RYR2: variants seen among roughly 807,000 people sequenced by gnomAD.
RYR2 encodes the protein ryanodine receptor 2, also known as cardiac muscle ryanodine receptor-calcium release channel.
Under a neutral mutation model 601.1 loss-of-function variants are expected in RYR2, and 227 were observed. The ratio of observed to expected loss-of-function variants is 0.38; its 90% confidence interval spans 0.34 to 0.42. RYR2 has a LOEUF of 0.42. RYR2 is among the 10% of genes least tolerant of loss of function. The probability of loss-of-function intolerance (pLI) is 1.00; values close to 1 mark genes in which losing one functional copy is unlikely to be tolerated. For missense variants in RYR2, 4,646 were observed against 6,156.5 expected, an observed-to-expected ratio of 0.75 and a Z score of 8.21; for synonymous variants, 2,223 against 2,175.1, an observed-to-expected ratio of 1.02 and a Z score of -0.61.
rs140029456 is a variant in RYR2, at chr1:237,636,511, C to T, written c.6792+1519C>T. 2.4e-3 allele frequency among the ~76,000 whole-genome samples: 373 copies of T among 152,312 alleles called. 2 individuals carry two copies. The highest frequency in any genetic ancestry group is 3.6e-3 in the Admixed American group (55 of 15,298). ...CTCATTAAAATGGCCAATACTAATG[C>T]AGTTGATAATACCAAATGCTGAGAA... On this transcript the variant is annotated intron_variant, in intron 44 of 104. Coordinates refer to ENST00000366574, the MANE Select transcript of RYR2 (RefSeq NM_001035.3).
At position 237,042,490 on chromosome 1, in the gene RYR2, G is replaced by C. The variant is rs1489951737; in HGVS notation, c.-32G>C. The C allele has an allele frequency of 5.6e-6, 7 of 1,245,414 alleles. No homozygotes were observed. The highest frequency in any genetic ancestry group is 7.1e-6 in the Non-Finnish European group (7 of 986,384). 77.1% of individuals were successfully genotyped at this position (1,245,414 alleles called of 1,614,324 possible). The stretch of plus-strand genomic sequence containing the variant: ...GCCGCCGCCGAGCTCCGCGGGGCTC[G>C]GGAGCCGGCCCCGGCGAGGAGGCGC... On this transcript the variant is annotated 5_prime_UTR_variant, in exon 1 of 105. Coordinates refer to ENST00000366574, the MANE Select transcript of RYR2 (RefSeq NM_001035.3).
At chr1:237,702,556 G>T (rs1177030548) in intron 66 of RYR2, among the ~76,000 whole-genome samples, 1 of 151,924 alleles carries the variant, frequency 6.6e-6, no homozygotes, top group East Asian at 1.9e-4. Context: ...AACCAGAGAA[G>T]AAAAACAGGG....
At chr1:237,254,499 G>T (rs1436896491) in intron 1 of RYR2, among the ~76,000 whole-genome samples, 1 of 152,074 alleles carries the variant, frequency 6.6e-6, no homozygotes, top group Non-Finnish European at 1.5e-5. Context: ...TGGAATAATC[G>T]TACACAGTGG....
intron 2 of RYR2, among the ~76,000 whole-genome samples, chr1:237,279,744 C>G (rs1690663480): frequency 6.6e-6 from 1 of 152,054 alleles, no homozygotes; most frequent in Admixed American, 6.6e-5. Flanking sequence ...CAGTGCTGCC[C>G]CTACAAAAGG....
chr1:237,160,689 G>A (rs1353777926), intron 1 of RYR2, among the ~76,000 whole-genome samples: 1 of 151,416 alleles, frequency 6.6e-6, no homozygotes, highest in Non-Finnish European at 1.5e-5. Context: ...TTCTTTTCTG[G>A]GAAGGTGAGA....
chr1:237,129,032 T>C (rs540819343), intron 1 of RYR2, among the ~76,000 whole-genome samples: 50 of 152,260 alleles, frequency 3.3e-4, no homozygotes, highest in African/African-American at 1.2e-3. Flanking sequence ...TATTTTGACT[T>C]GTTAAGTTTG....
intron 42 of RYR2, among the ~76,000 whole-genome samples, chr1:237,632,768 A>C (rs1226990974): frequency 1.3e-5 from 2 of 152,206 alleles, no homozygotes; most frequent in Admixed American, 6.5e-5. Flanking sequence ...TAATAAAAAA[A>C]AACTTTATAT....
chr1:237,521,921 C>T (rs965879470), intron 24 of RYR2, among the ~76,000 whole-genome samples: 2 of 151,980 alleles, frequency 1.3e-5, no homozygotes, highest in African/African-American at 2.4e-5. Context: ...CTTGCCTGTC[C>T]ACACATTCCA....
chr1:237,272,443 C>T (rs946736830), intron 2 of RYR2, among the ~76,000 whole-genome samples: 3 of 151,920 alleles, frequency 2.0e-5, no homozygotes, highest in Admixed American at 6.6e-5. Flanking sequence ...AAAGGCTACA[C>T]TCTCTCTTCT....
chr1:237,564,037 C>T (rs546726298), intron 27 of RYR2, among the ~76,000 whole-genome samples: 16 of 152,144 alleles, frequency 1.1e-4, no homozygotes, highest in African/African-American at 1.4e-4. Context: ...CAAATATCAA[C>T]ATAATTAAAA....
chr1:237,807,487 GATT>G (rs1297515662), intron 99 of RYR2, among the ~76,000 whole-genome samples: 20 of 152,302 alleles, frequency 1.3e-4, no homozygotes, highest in African/African-American at 4.6e-4. Context: ...GCATAGCTGG[GATT>G]ATAGGCGCGT....
Position 237,566,686 on chromosome 1 carries a change from G to T in RYR2, c.3334G>T (p.Asp1112Tyr). ...TGAATTTGAGACGGTCACTGCTGGAGACATGAGGGTTGGTTGGAGTCGTCC... is the reference window on the plus strand; with the variant it reads ...TGAATTTGAGACGGTCACTGCTGGATACATGAGGGTTGGTTGGAGTCGTCC... ...YFEFETVTAG[D>Y]MRVGWSRPGC... The change falls in exon 28 of 105, where the codon GAC (aspartate) becomes TAC (tyrosine). Residue 1112 changes from aspartate (D) to tyrosine (Y), a missense_variant. Physicochemically the swap from Asp to Tyr is radical, Grantham distance 160. Around this residue, in one of 17 missense-constraint regions of RYR2, gnomAD observed 1,807 missense variants for 2,088.1 expected, o/e 0.87. Transcript: ENST00000366574. 1 of 1,614,016 alleles carries T rather than the reference G, an allele frequency of 6.2e-7. No homozygotes were observed. The highest frequency in any genetic ancestry group is 8.5e-7 in the Non-Finnish European group (1 of 1,179,892).
intron 1 of RYR2, among the ~76,000 whole-genome samples, chr1:237,132,808 G>T (rs138883934): frequency 6.6e-6 from 1 of 152,312 alleles, no homozygotes; most frequent in Non-Finnish European, 1.5e-5. Context: ...TTGAGAGTAA[G>T]GATTGGGAAA....
intron 89 of RYR2, 52 bp downstream of exon 89, chr1:237,781,698 C>A: frequency 3.2e-6 from 3 of 929,652 alleles, no homozygotes; most frequent in Admixed American, 4.2e-5. Flanking sequence ...TTTAAAGGAT[C>A]AGCATGGGCT....
At chr1:237,254,152 A>G (rs1368925096) in intron 1 of RYR2, among the ~76,000 whole-genome samples, 1 of 152,180 alleles carries the variant, frequency 6.6e-6, no homozygotes, top group Non-Finnish European at 1.5e-5. Context: ...CTGAAAACTC[A>G]TTGGTGTTTA....
At chr1:237,712,709 G>A (rs1013336039) in intron 71 of RYR2, among the ~76,000 whole-genome samples, 4 of 152,164 alleles carry the variant, frequency 2.6e-5, no homozygotes, top group Non-Finnish European at 5.9e-5. Flanking sequence ...CCACATGGAC[G>A]AATTCCAGGT....
chr1:237,394,668 C>A (rs1247673982), intron 10 of RYR2, among the ~76,000 whole-genome samples: 2 of 152,162 alleles, frequency 1.3e-5, no homozygotes, highest in Admixed American at 1.3e-4. Flanking sequence ...CAACTCAATT[C>A]TTTTAATATT....
chr1:237,234,090 T>A lies in RYR2; in HGVS notation c.49-36407T>A, dbSNP rs146937945. Among the ~76,000 whole-genome samples the A allele has an allele frequency of 1.3e-3, 199 of 152,296 alleles. 1 individual carries two copies. Among genetic ancestry groups the A allele is most frequent in the African/African-American group, 4.4e-3 (183 of 41,582 alleles). On this transcript the variant is annotated intron_variant, in intron 1 of 104. Coordinates refer to ENST00000366574, the MANE Select transcript of RYR2 (RefSeq NM_001035.3). ...AGAGACATATACATGAAATACTGTT[T>A]AACCAACCTCAGGGAACTCGCATGG...
In RYR2 at chr1:237,583,049, C is replaced by T. The variant is rs537818014; in HGVS notation, c.3599-6744C>T. 9.9e-5 allele frequency among the ~76,000 whole-genome samples: 15 copies of T among 152,090 alleles called. No individual in the cohort carries two copies. The East Asian group carries it at 2.1e-3, about 22-fold the overall frequency. On this transcript the variant is annotated intron_variant, in intron 29 of 104. Coordinates refer to ENST00000366574, the MANE Select transcript of RYR2 (RefSeq NM_001035.3). ...AACTTATTTACATTCCCACCAACAGCGTATAAGCATTCTCTTTTCTCCACA... is the reference window on the plus strand; with the variant it reads ...AACTTATTTACATTCCCACCAACAGTGTATAAGCATTCTCTTTTCTCCACA...
Sources: allele counts gnomAD v4.1 joint callset (sites outside exome capture counted in the v4.1 genomes callset), GRCh38; gene constraint gnomAD v4.1.1; regional missense constraint gnomAD v4.1.1; transcripts MANE v1.5; gene names NCBI Gene and HGNC (gene_info 2026-07-23, HGNC 2026-07-21).